The following USP6 variants were observed in gnomAD, a reference collection of about 807,000 sequenced individuals.
USP6 encodes ubiquitin specific peptidase 6, also known as ubiquitin carboxyl-terminal hydrolase 6.
USP6 carries 128 observed loss-of-function variants against 175.7 expected under a neutral mutation model. The ratio of observed to expected loss-of-function variants is 0.73; its 90% confidence interval spans 0.63 to 0.84. The LOEUF is 0.84. Ranked by LOEUF, USP6 falls within the 40% of genes least tolerant of loss-of-function variation. The pLI, the probability that USP6 is intolerant of heterozygous loss-of-function variation, is 0.00. For missense variants in USP6, 1,498 were observed against 1,760.3 expected, an observed-to-expected ratio of 0.85 and a Z score of 2.67; for synonymous variants, 562 against 630.6, an observed-to-expected ratio of 0.89 and a Z score of 1.63.
chr17:5,149,168 T>G (rs1175578001), intron 30 of USP6, among the ~76,000 whole-genome samples: 3 of 152,096 alleles, frequency 2.0e-5, no homozygotes, highest in Non-Finnish European at 4.4e-5. Context: ...TTTGGGAGGC[T>G]GAAGCAGGTG....
intron 15 of USP6, chr17:5,134,250 A>G (rs1037825673): frequency 4.1e-6 from 2 of 491,036 alleles, no homozygotes; most frequent in Non-Finnish European, 3.7e-6. Context: ...ATCACACGCA[A>G]TGGTGAAAGG....
At chr17:5,135,035 C>T (rs2073206386) in intron 15 of USP6, 199 bp from the exon 16 acceptor site, 3 of 594,354 alleles carry the variant, frequency 5.0e-6, no homozygotes, top group Non-Finnish European at 9.2e-6. Context: ...GGTCAACTCA[C>T]TGTAGAACTG....
intron 25 of USP6, among the ~76,000 whole-genome samples, chr17:5,143,901 G>A (rs1426970242): frequency 6.6e-6 from 1 of 152,016 alleles, no homozygotes; most frequent in African/African-American, 2.4e-5. Context: ...ACTCCAGCCT[G>A]GGCAGCAGAG....
At chr17:5,168,310 T>C (rs1178224860) in intron 34 of USP6, among the ~76,000 whole-genome samples, 187 bp downstream of exon 34, 1 of 151,540 alleles carries the variant, frequency 6.6e-6, no homozygotes, top group Non-Finnish European at 1.5e-5. Flanking sequence ...TGGTAGTTCC[T>C]TTTCCTAAAA....
At chr17:5,138,923 C>T in intron 21 of USP6, 1 of 1,183,686 alleles carries the variant, frequency 8.4e-7, no homozygotes. Flanking sequence ...AGCTGGGTGA[C>T]ATCCAAGGCC....
Position 5,138,269 on chromosome 17 carries a change from C to G in USP6, c.1074C>G (p.Pro358=), listed in dbSNP as rs111377298. The change falls in exon 21 of 38, where the codon CCC becomes CCG. Residue 358 remains proline (P), a synonymous_variant. Transcript: ENST00000574788. Reference sequence around the variant, plus strand: ...CAAGGAAGCAAGGGGACCTGCCACCCCCAGGTGGGCTCCAGTGCCATGTCC... The same window carrying G: ...CAAGGAAGCAAGGGGACCTGCCACCGCCAGGTGGGCTCCAGTGCCATGTCC... The part of the protein sequence containing the change: ...KLTRKQGDLP[P]PAKREQGSLA... 34 of 1,613,362 alleles carry G rather than the reference C, an allele frequency of 2.1e-5. No individual in the cohort carries two copies. The African/African-American group carries it at 3.6e-4, about 17-fold the overall frequency.
chr17:5,133,481 C>G lies in USP6; in HGVS notation c.315C>G (p.Ile105Met), dbSNP rs149018577. ...DRVYKGIPMN[I>M]RGPVWSVLLN... ...TGTACAAGGGAATTCCCATGAACAT[C>G]CGGGGCCCGGTGTGGTCAGTCCTCC... Residue 105 changes from isoleucine to methionine, a missense_variant, in exon 14 of 38, where the codon ATC becomes ATG. Physicochemically the swap from Ile to Met is conservative, Grantham distance 10. Transcript: ENST00000574788. 1.2e-6 allele frequency: 2 copies of G among 1,611,794 alleles called. No homozygotes were observed. The highest frequency in any genetic ancestry group is 1.7e-6 in the Non-Finnish European group (2 of 1,179,712).
intron 4 of USP6, among the ~76,000 whole-genome samples, chr17:5,123,881 G>C (rs2072796429): frequency 6.6e-6 from 1 of 151,306 alleles, no homozygotes; most frequent in South Asian, 2.1e-4. Flanking sequence ...CCTAATGCAT[G>C]CTCGCGCGCA....
chr17:5,126,331 T>G (rs1396714342), intron 6 of USP6, among the ~76,000 whole-genome samples: 1 of 152,124 alleles, frequency 6.6e-6, no homozygotes, highest in Non-Finnish European at 1.5e-5. Flanking sequence ...TATGGATCCT[T>G]GAGCCCAGGA....
intron 31 of USP6, 69 bp downstream of exon 31, chr17:5,155,675 C>T: frequency 6.7e-7 from 1 of 1,497,834 alleles, no homozygotes; most frequent in Non-Finnish European, 9.0e-7. Flanking sequence ...ATGAATTCTA[C>T]ATGACAGATA....
chr17:5,137,568 G>C, intron 19 of USP6, 83 bp from the exon 20 acceptor site: 1 of 1,386,970 alleles, frequency 7.2e-7, no homozygotes, highest in Middle Eastern at 2.0e-4. Context: ...TGACTCTGGA[G>C]ACTGAAGCCC....
intron 30 of USP6, among the ~76,000 whole-genome samples, chr17:5,154,220 T>C (rs2073834268): frequency 6.6e-6 from 1 of 152,252 alleles, no homozygotes; most frequent in Admixed American, 6.5e-5. Context: ...AATAAAATGC[T>C]TAATAATCTG....
rs1226404280 is a variant in USP6, at chr17:5,138,260, C to A, written c.1065C>A (p.Asp355Glu). ...STKKLTRKQG[D>E]LPPPAKREQG... Reference sequence around the variant, plus strand: ...AGAAACTAACAAGGAAGCAAGGGGACCTGCCACCCCCAGGTGGGCTCCAGT... The same window carrying A: ...AGAAACTAACAAGGAAGCAAGGGGAACTGCCACCCCCAGGTGGGCTCCAGT... The change falls in exon 21 of 38, where the codon GAC becomes GAA. Residue 355 changes from aspartate to glutamate, a missense_variant. Transcript: ENST00000574788. 6.2e-7 allele frequency: 1 copy of A among 1,613,538 alleles called. No individual in the cohort carries two copies. The highest frequency in any genetic ancestry group is 8.5e-7 in the Non-Finnish European group (1 of 1,179,950).
At chr17:5,163,143 A>G (rs1338294666) in intron 33 of USP6, 139 bp downstream of exon 33, 1 of 1,301,392 alleles carries the variant, frequency 7.7e-7, no homozygotes, top group Non-Finnish European at 1.0e-6. Context: ...CACCTAATAT[A>G]TTGACATGTT....
chr17:5,127,234 C>T (rs543212239), intron 6 of USP6, among the ~76,000 whole-genome samples: 1 of 152,174 alleles, frequency 6.6e-6, no homozygotes, highest in African/African-American at 2.4e-5. Context: ...GGCTCCGCCG[C>T]CCCTAGTCCA....
intron 6 of USP6, 61 bp from the exon 7 acceptor site, chr17:5,127,443 C>A (rs1181834835): frequency 6.6e-6 from 1 of 152,276 alleles, no homozygotes; most frequent in Non-Finnish European, 1.5e-5. Context: ...GGTGCAACTT[C>A]TTCCAAGACC....
chr17:5,118,075 A>C (rs1481381829), intron 1 of USP6, 125 bp from the exon 2 acceptor site: 1 of 152,224 alleles, frequency 6.6e-6, no homozygotes, highest in African/African-American at 2.4e-5. Flanking sequence ...TCTCAAAAAA[A>C]AAAAAAAAAT....
chr17:5,156,894 T>G (rs1428464859), intron 31 of USP6, among the ~76,000 whole-genome samples: 1 of 151,824 alleles, frequency 6.6e-6, no homozygotes, highest in Admixed American at 6.6e-5. Flanking sequence ...CACACCCAGC[T>G]AATTTTTGTA....
rs1360338483 is a variant in USP6, at chr17:5,132,544, C to T, written c.195+109C>T. 11 of 1,579,956 alleles carry T rather than the reference C, an allele frequency of 7.0e-6. No individual in the cohort carries two copies. The highest frequency in any genetic ancestry group is 1.3e-5 in the African/African-American group (1 of 74,186). ...TGGGCGGTGGCGGGTGAGGGCAACA[C>T]GCTGTCACTGGGAGGGGCAGCAGAG... is the stretch of plus-strand genomic sequence containing the variant. On this transcript the variant is annotated intron_variant, in intron 12 of 37. Coordinates refer to ENST00000574788, the MANE Select transcript of USP6 (RefSeq NM_001304284.2). The surrounding 1 kb of genome is among the most constrained non-coding windows in gnomAD (Gnocchi z 4.7).
Sources: allele counts gnomAD v4.1 joint callset (sites outside exome capture counted in the v4.1 genomes callset), GRCh38; gene constraint gnomAD v4.1.1; non-coding constraint Gnocchi (gnomAD v3.1); transcripts MANE v1.5; gene names NCBI Gene and HGNC (gene_info 2026-07-23, HGNC 2026-07-21).